The following AGMO variants were observed in gnomAD, a reference collection of about 807,000 sequenced individuals.
AGMO encodes the protein alkylglycerol monooxygenase.
A neutral mutation model predicts 60.2 loss-of-function variants in AGMO; 75 were observed. The observed-to-expected ratio is 1.25, with a 90% CI of 1.03 to 1.51. The LOEUF is 1.51. AGMO is among the 40% of genes most tolerant of loss of function. The probability of loss-of-function intolerance (pLI) is 0.00; values close to 1 mark genes in which losing one functional copy is unlikely to be tolerated. For missense variants in AGMO, 763 were observed against 525.5 expected (o/e 1.45, Z -4.42); for synonymous variants, 261 against 177.1 (o/e 1.47, Z -3.76).
At chr7:15,223,184 C>G (rs893649510) in intron 12 of AGMO, among the ~76,000 whole-genome samples, 2 of 151,878 alleles carry the variant, frequency 1.3e-5, no homozygotes, top group African/African-American at 4.8e-5. Flanking sequence ...AAATAAAATA[C>G]TGAAATTCTT....
intron 12 of AGMO, among the ~76,000 whole-genome samples, chr7:15,224,154 G>C (rs1782005030): frequency 6.6e-6 from 1 of 151,668 alleles, no homozygotes; most frequent in Non-Finnish European, 1.5e-5. Context: ...GGTTTCCAGA[G>C]TTCTGGAATC....
chr7:15,482,358 A>G (rs1312221751), intron 3 of AGMO, among the ~76,000 whole-genome samples: 2 of 152,158 alleles, frequency 1.3e-5, no homozygotes, highest in East Asian at 3.8e-4. Flanking sequence ...TCTTAAAAAA[A>G]GTTAATGGGA....
chr7:15,485,703 G>T (rs901486390), intron 3 of AGMO, among the ~76,000 whole-genome samples: 17 of 152,040 alleles, frequency 1.1e-4, no homozygotes, highest in African/African-American at 4.1e-4. Flanking sequence ...ACGAATTACA[G>T]GCTTCACACT....
chr7:15,506,887 A>C (rs1203530427), intron 3 of AGMO, among the ~76,000 whole-genome samples: 1 of 151,862 alleles, frequency 6.6e-6, no homozygotes, highest in Non-Finnish European at 1.5e-5. Context: ...GAGCTACCCC[A>C]CCATACCCCT....
intron 12 of AGMO, among the ~76,000 whole-genome samples, chr7:15,259,524 G>C (rs999155230): frequency 2.0e-5 from 3 of 152,086 alleles, no homozygotes; most frequent in Admixed American, 2.0e-4. Flanking sequence ...CTTTACTAGA[G>C]ATCTAGACAT....
At chr7:15,466,292 G>C (rs930618714) in intron 3 of AGMO, among the ~76,000 whole-genome samples, 1 of 152,164 alleles carries the variant, frequency 6.6e-6, no homozygotes, top group Non-Finnish European at 1.5e-5. Flanking sequence ...AAAGTAATTA[G>C]TGGGGCCAGG....
chr7:15,388,767 G>A (rs1323508340), intron 8 of AGMO, among the ~76,000 whole-genome samples: 2 of 152,130 alleles, frequency 1.3e-5, no homozygotes, highest in Admixed American at 6.5e-5. Flanking sequence ...GTATATAAAG[G>A]AATGGAAGTG....
intron 12 of AGMO, among the ~76,000 whole-genome samples, chr7:15,364,487 T>C (rs1454705376): frequency 1.3e-5 from 2 of 152,074 alleles, no homozygotes; most frequent in African/African-American, 2.4e-5. Context: ...TTTACTACTT[T>C]ATTAATGAAT....
intron 12 of AGMO, among the ~76,000 whole-genome samples, chr7:15,314,824 C>T (rs1298059014): frequency 6.6e-6 from 1 of 151,842 alleles, no homozygotes; most frequent in African/African-American, 2.4e-5. Context: ...ATCTTATCAA[C>T]TGAGCCATCA....
At chr7:15,347,329 G>A (rs894957072) in intron 12 of AGMO, among the ~76,000 whole-genome samples, 1 of 151,986 alleles carries the variant, frequency 6.6e-6, no homozygotes, top group Non-Finnish European at 1.5e-5. Context: ...AATTGTAAAT[G>A]CCAAACTAGA....
chr7:15,425,427 T>G (rs1324068548), intron 4 of AGMO, among the ~76,000 whole-genome samples: 1 of 150,972 alleles, frequency 6.6e-6, no homozygotes, highest in Non-Finnish European at 1.5e-5. Context: ...CTTTTCTTTT[T>G]GTTTATTTTA....
chr7:15,248,253 AATT>A (rs1448816791), intron 12 of AGMO, among the ~76,000 whole-genome samples: 1 of 123,974 alleles, frequency 8.1e-6, no homozygotes, highest in Non-Finnish European at 1.7e-5. Flanking sequence ...GTCTAAAAAT[AATT>A]ATTTTCTTTC....
At chr7:15,465,076 G>A (rs1782244191) in intron 3 of AGMO, among the ~76,000 whole-genome samples, 1 of 152,034 alleles carries the variant, frequency 6.6e-6, no homozygotes, top group Non-Finnish European at 1.5e-5. Context: ...GAAATTTATT[G>A]TAGTAGTAAG....
At chr7:15,231,720 T>C (rs1019397934) in intron 12 of AGMO, among the ~76,000 whole-genome samples, 2 of 152,230 alleles carry the variant, frequency 1.3e-5, no homozygotes, top group African/African-American at 4.8e-5. Context: ...GTAAGGATAA[T>C]GTTACTTGTC....
At chr7:15,490,049 C>T (rs538127398) in intron 3 of AGMO, among the ~76,000 whole-genome samples, 44 of 152,274 alleles carry the variant, frequency 2.9e-4, no homozygotes, top group Non-Finnish European at 5.3e-4. Flanking sequence ...ATTTAAGGAA[C>T]TATATCAAAA....
chr7:15,397,334 C>G (rs951608503), intron 5 of AGMO, among the ~76,000 whole-genome samples: 3 of 151,724 alleles, frequency 2.0e-5, no homozygotes, highest in African/African-American at 4.8e-5. Flanking sequence ...GCCCGGAACC[C>G]GAGCCGGCCC....
At chr7:15,344,624 G>A (rs1379071416) in intron 12 of AGMO, among the ~76,000 whole-genome samples, 1 of 152,120 alleles carries the variant, frequency 6.6e-6, no homozygotes, top group Non-Finnish European at 1.5e-5. Context: ...CTGGAGCTTG[G>A]GAAGTTGAGG....
chr7:15,198,247 GAGAGA>G (rs1781182637), downstream of AGMO, among the ~76,000 whole-genome samples: 4 of 84,970 alleles, frequency 4.7e-5, no homozygotes, highest in Non-Finnish European at 8.4e-5. Flanking sequence ...GAGAGAGAGA[GAGAGA>G]GAGACAGAGA....
chr7:15,390,808 T>G (rs750078611), intron 7 of AGMO, 32 bp downstream of exon 7: 3 of 1,587,434 alleles, frequency 1.9e-6, no homozygotes, highest in Non-Finnish European at 2.6e-6. Context: ...AGGAGCTGAT[T>G]TAATTTTTTG....
Sources: allele counts gnomAD v4.1 joint callset (sites outside exome capture counted in the v4.1 genomes callset), GRCh38; gene constraint gnomAD v4.1.1; transcripts MANE v1.5; gene names NCBI Gene and HGNC (gene_info 2026-07-23, HGNC 2026-07-21).